Variants in AOAH observed in about 807,000 individuals in gnomAD.
The protein encoded by AOAH is acyloxyacyl hydrolase (neutrophil).
AOAH carries 64 observed loss-of-function variants against 92.2 expected under a neutral mutation model. The observed-to-expected ratio is 0.69, with a 90% CI of 0.57 to 0.86. The LOEUF (loss-of-function observed/expected upper bound fraction) is 0.86. Among genes scored for constraint, AOAH ranks in the 40% least tolerant of loss-of-function variants. AOAH has a pLI of 0.00. For synonymous variants in AOAH, 263 were observed against 254.5 expected (o/e 1.03, Z -0.32); for missense variants, 656 against 694.6 (o/e 0.94, Z 0.62).
chr7:36,626,093 C>T (rs1045405017), intron 6 of AOAH, among the ~76,000 whole-genome samples: 6 of 152,114 alleles, frequency 3.9e-5, no homozygotes, highest in African/African-American at 9.7e-5. Context: ...TGTATTTGGC[C>T]TCTTGGACAG....
intron 3 of AOAH, among the ~76,000 whole-genome samples, chr7:36,660,806 C>T (rs1263397450): frequency 2.6e-5 from 4 of 152,220 alleles, no homozygotes; most frequent in East Asian, 3.9e-4. Flanking sequence ...TATAATTTTT[C>T]GAATGACATG....
In AOAH at chr7:36,631,999, A is replaced by T. The variant is rs770961005; in HGVS notation, c.521+37T>A. ...GGGGGACAAGCAAAGACGTTATTAC[A>T]TGCTAGTGCTCAGGAAGGTAGAAAT... On this transcript the variant is annotated intron_variant, in intron 6 of 20. Transcript: ENST00000617537. 57 of 1,521,782 alleles carry T rather than the reference A, an allele frequency of 3.7e-5. No homozygotes were observed. In the South Asian group the frequency reaches 6.6e-4, roughly 18 times the overall value. The allele number at this position is 1,521,782 out of a possible 1,614,324, so 94.3% of individuals were successfully genotyped here.
chr7:36,624,943 C>CT (rs1792538530), intron 6 of AOAH, among the ~76,000 whole-genome samples: 3 of 152,192 alleles, frequency 2.0e-5, no homozygotes, highest in Non-Finnish European at 2.9e-5. Context: ...CTGTTTCAGC[C>CT]TTTTTAGCAC....
At chr7:36,563,957 G>T (rs1787484510) in intron 13 of AOAH, among the ~76,000 whole-genome samples, 1 of 152,196 alleles carries the variant, frequency 6.6e-6, no homozygotes, top group Admixed American at 6.5e-5. Context: ...AGATTCACAA[G>T]TGTGGCTCTG....
intron 10 of AOAH, 137 bp from the exon 11 acceptor site, chr7:36,616,611 C>T (rs765166831): frequency 4.2e-5 from 29 of 685,336 alleles, no homozygotes; most frequent in South Asian, 1.0e-4. Context: ...TACCACTTTT[C>T]GCATGTTTGA....
At chr7:36,611,652 G>T (rs79086394) in intron 11 of AOAH, among the ~76,000 whole-genome samples, 2,856 of 152,180 alleles carry the variant, frequency 0.019, 87 homozygotes, top group East Asian at 0.096. Context: ...CCCAGGTTAC[G>T]AAGACACTCC....
At chr7:36,690,214 A>T (rs1019866632) in intron 1 of AOAH, 4 of 360,550 alleles carry the variant, frequency 1.1e-5, no homozygotes, top group Non-Finnish European at 2.1e-5. Context: ...AGATAAAAAG[A>T]AGCAAAAAAA....
rs2116013242 is a variant in AOAH, at chr7:36,532,142, C to T, written c.1425+5G>A. ...ATGGTATCAAAAGGCCTGTGACAGT[C>T]ATACCTCTGAAGTGAGAGTCCGCAA... On this transcript the variant is annotated splice_donor_5th_base_variant and intron_variant, in intron 18 of 20. Coordinates refer to ENST00000617537, the MANE Select transcript of AOAH (RefSeq NM_001637.4). 6.2e-7 allele frequency: 1 copy of T among 1,614,180 alleles called. No homozygotes were observed. The highest frequency in any genetic ancestry group is 2.2e-5 in the East Asian group (1 of 44,886).
chr7:36,536,393 T>G (rs962030066), intron 16 of AOAH, among the ~76,000 whole-genome samples: 1 of 152,136 alleles, frequency 6.6e-6, no homozygotes, highest in East Asian at 1.9e-4. Context: ...TTTTTTTCTT[T>G]GCACAGCACT....
At chr7:36,519,238 C>T (rs942747610) in intron 20 of AOAH, among the ~76,000 whole-genome samples, 4 of 152,190 alleles carry the variant, frequency 2.6e-5, no homozygotes, top group African/African-American at 4.8e-5. Context: ...TAGATTTCTC[C>T]GTCTGTCAAC....
At chr7:36,722,982 C>T (rs1799739338) in intron 1 of AOAH, among the ~76,000 whole-genome samples, 1 of 142,180 alleles carries the variant, frequency 7.0e-6, no homozygotes, top group Non-Finnish European at 1.5e-5. Flanking sequence ...AGTAGAGATG[C>T]ATCTCCTAAC....
chr7:36,597,006 T>G lies in AOAH; in HGVS notation c.847-2576A>C, dbSNP rs80182939. On this transcript the variant is annotated intron_variant, in intron 11 of 20. Transcript: ENST00000617537. ...TTTCTGTGGGTCTCTGAGCTTCCTC[T>G]GCTCCTCCTTCTTCAATTGCCTCCT... 6.8e-3 allele frequency among the ~76,000 whole-genome samples: 1,030 copies of G among 152,314 alleles called. 9 individuals carry two copies. Among genetic ancestry groups the G allele is most frequent in the African/African-American group, 0.023 (963 of 41,564 alleles).
At chr7:36,635,385 T>C (rs988273958) in intron 5 of AOAH, among the ~76,000 whole-genome samples, 10 of 152,146 alleles carry the variant, frequency 6.6e-5, no homozygotes, top group African/African-American at 2.4e-4. Context: ...ATGGGCTGAA[T>C]GGGGTAAATG....
chr7:36,598,526 A>G (rs1338076660), intron 11 of AOAH, among the ~76,000 whole-genome samples: 1 of 152,234 alleles, frequency 6.6e-6, no homozygotes, highest in Non-Finnish European at 1.5e-5. Context: ...GAAGACCAAA[A>G]GACACAGTCA....
At chr7:36,519,451 A>G (rs990151962) in intron 20 of AOAH, among the ~76,000 whole-genome samples, 3 of 152,124 alleles carry the variant, frequency 2.0e-5, no homozygotes, top group African/African-American at 7.2e-5. Flanking sequence ...TTTTTTTGAG[A>G]TGGAGTTTCG....
At chr7:36,519,473 C>T (rs946166540) in intron 20 of AOAH, among the ~76,000 whole-genome samples, 2 of 152,220 alleles carry the variant, frequency 1.3e-5, no homozygotes, top group African/African-American at 4.8e-5. Flanking sequence ...TCTTGTTGCC[C>T]AGGCTGGAGT....
chr7:36,649,989 T>G (rs764791940), intron 4 of AOAH, among the ~76,000 whole-genome samples: 17 of 152,308 alleles, frequency 1.1e-4, no homozygotes, highest in Non-Finnish European at 2.2e-4. Context: ...TGGTTTCTAA[T>G]AGAGCTATAA....
intron 1 of AOAH, among the ~76,000 whole-genome samples, chr7:36,722,586 C>T (rs1008367887): frequency 3.3e-5 from 5 of 152,126 alleles, no homozygotes; most frequent in Non-Finnish European, 7.3e-5. Flanking sequence ...GGACCACACA[C>T]CTCTGCCTTC....
At chr7:36,637,492 T>C (rs1256228892) in intron 5 of AOAH, among the ~76,000 whole-genome samples, 4 of 151,966 alleles carry the variant, frequency 2.6e-5, no homozygotes, top group Non-Finnish European at 5.9e-5. Flanking sequence ...CATTTGGCAA[T>C]GCTGGGAGGC....
Sources: allele counts gnomAD v4.1 joint callset (sites outside exome capture counted in the v4.1 genomes callset), GRCh38; gene constraint gnomAD v4.1.1; transcripts MANE v1.5; gene names NCBI Gene and HGNC (gene_info 2026-07-23, HGNC 2026-07-21).